NELL1: variants seen among roughly 807,000 people sequenced by gnomAD.
The protein encoded by NELL1 is neural EGFL like 1, also known as protein kinase C-binding protein NELL1.
In NELL1, 76 loss-of-function variants were observed where a neutral mutation model predicts 107.4. That is an observed-to-expected ratio of 0.71 (90% CI 0.59 to 0.86). The LOEUF (loss-of-function observed/expected upper bound fraction) is 0.86, where lower values mean the gene tolerates loss of function less well. NELL1 is among the 40% of genes least tolerant of loss of function. The pLI, the probability that NELL1 is intolerant of heterozygous loss-of-function variation, is 0.00. For synonymous variants in NELL1, 353 were observed against 341.2 expected (o/e 1.03, Z -0.38); for missense variants, 1,024 against 1,005.5 (o/e 1.02, Z -0.25).
At chr11:21,478,576 T>G (rs915595943) in intron 15 of NELL1, among the ~76,000 whole-genome samples, 1 of 151,862 alleles carries the variant, frequency 6.6e-6, no homozygotes, top group Non-Finnish European at 1.5e-5. Flanking sequence ...ATGAAACTCC[T>G]AAAAGAAAAC....
intron 14 of NELL1, among the ~76,000 whole-genome samples, chr11:21,252,567 A>G (rs147083387): frequency 1.3e-5 from 2 of 152,274 alleles, no homozygotes; most frequent in African/African-American, 4.8e-5. Flanking sequence ...CCTCAAAATG[A>G]GCTCAGATAT....
intron 12 of NELL1, among the ~76,000 whole-genome samples, chr11:21,063,519 A>G (rs1853795475): frequency 6.6e-6 from 1 of 152,162 alleles, no homozygotes. Context: ...GGGGTCCACC[A>G]TGAGTTATTT....
intron 2 of NELL1, among the ~76,000 whole-genome samples, chr11:20,700,372 G>A (rs1178624614): frequency 6.6e-6 from 1 of 151,924 alleles, no homozygotes; most frequent in Non-Finnish European, 1.5e-5. Context: ...CTAGCTACTC[G>A]GGAGGCTGAG....
At chr11:21,002,040 T>C (rs1390961084) in intron 12 of NELL1, among the ~76,000 whole-genome samples, 1 of 152,214 alleles carries the variant, frequency 6.6e-6, no homozygotes, top group Non-Finnish European at 1.5e-5. Flanking sequence ...GCCACTGTAG[T>C]GGATTCCAGG....
chr11:21,116,036 A>G (rs897985963), intron 13 of NELL1, among the ~76,000 whole-genome samples: 5 of 151,864 alleles, frequency 3.3e-5, no homozygotes, highest in African/African-American at 1.2e-4. Flanking sequence ...TCCTCACCTT[A>G]CATTTATTCA....
intron 13 of NELL1, among the ~76,000 whole-genome samples, chr11:21,225,102 C>T (rs1005837703): frequency 3.3e-5 from 5 of 152,102 alleles, no homozygotes; most frequent in Admixed American, 2.6e-4. Flanking sequence ...TCTCATGTCA[C>T]GATGCTGCAA....
chr11:20,836,753 A>T (rs1848541252), intron 3 of NELL1, among the ~76,000 whole-genome samples: 1 of 152,124 alleles, frequency 6.6e-6, no homozygotes, highest in African/African-American at 2.4e-5. Flanking sequence ...CAAAAAAAAG[A>T]TTAAAAAAAG....
chr11:21,143,234 G>A (rs1855906368), intron 13 of NELL1, among the ~76,000 whole-genome samples: 2 of 152,208 alleles, frequency 1.3e-5, no homozygotes, highest in South Asian at 4.1e-4. Context: ...TGGCTAAACT[G>A]TGTGCAGCAG....
chr11:20,716,641 T>A (rs920800947), intron 2 of NELL1, among the ~76,000 whole-genome samples: 1 of 152,190 alleles, frequency 6.6e-6, no homozygotes, highest in Admixed American at 6.5e-5. Context: ...AGGGCTTATG[T>A]CTAGTGGCAA....
chr11:20,833,869 T>C (rs969206212), intron 3 of NELL1, among the ~76,000 whole-genome samples: 1 of 152,114 alleles, frequency 6.6e-6, no homozygotes, highest in East Asian at 1.9e-4. Flanking sequence ...CGTTGGTGTG[T>C]AGAGGGCAAG....
intron 15 of NELL1, among the ~76,000 whole-genome samples, chr11:21,503,718 C>T (rs1452898292): frequency 6.6e-6 from 1 of 152,092 alleles, no homozygotes; most frequent in Non-Finnish European, 1.5e-5. Context: ...CATTTAGAGG[C>T]TATTCTCAGT....
At chr11:21,407,665 A>G (rs1005785120) in intron 15 of NELL1, among the ~76,000 whole-genome samples, 2 of 150,344 alleles carry the variant, frequency 1.3e-5, no homozygotes, top group East Asian at 4.0e-4. Context: ...CCAGCCGTCA[A>G]TACCTTATCT....
At chr11:21,061,304 A>G (rs1479325684) in intron 12 of NELL1, among the ~76,000 whole-genome samples, 3 of 152,214 alleles carry the variant, frequency 2.0e-5, no homozygotes, top group East Asian at 3.9e-4. Context: ...TAAATCAACC[A>G]GAATAATGAA....
At chr11:21,563,871 A>T (rs1234606086) in intron 17 of NELL1, among the ~76,000 whole-genome samples, 4 of 152,038 alleles carry the variant, frequency 2.6e-5, no homozygotes, top group African/African-American at 9.7e-5. Flanking sequence ...AATCAAGTAG[A>T]GATGTAGGGG....
rs192942725 is a variant in NELL1 at position 21,132,370 on chromosome 11, G to C, written c.1426+18656G>C. 1.7e-3 allele frequency among the ~76,000 whole-genome samples: 262 copies of C among 152,274 alleles called. 3 individuals are homozygous for C. The highest frequency in any genetic ancestry group is 2.1e-3 in the South Asian group (10 of 4,816). On this transcript the variant is annotated intron_variant, in intron 13 of 19. Transcript: ENST00000357134. Reference sequence around the variant, plus strand: ...AGTATTGCTCAGGCCCATTGGGCTCGTTCCATCCTCTTGGCCCAGCAGGCT... The same window carrying C: ...AGTATTGCTCAGGCCCATTGGGCTCCTTCCATCCTCTTGGCCCAGCAGGCT...
chr11:21,359,895 T>G (rs1358112827), intron 14 of NELL1, among the ~76,000 whole-genome samples: 2 of 152,180 alleles, frequency 1.3e-5, no homozygotes, highest in Non-Finnish European at 2.9e-5. Flanking sequence ...TTGGTTAATA[T>G]CACTAATGTT....
chr11:20,735,479 C>A (rs1016567643), intron 2 of NELL1, among the ~76,000 whole-genome samples: 1 of 152,178 alleles, frequency 6.6e-6, no homozygotes, highest in Non-Finnish European at 1.5e-5. Context: ...CTTGTGAGAA[C>A]TTACTCACTA....
intron 2 of NELL1, among the ~76,000 whole-genome samples, chr11:20,767,719 TATTCATTCATTC>T (rs112687398): frequency 2.0e-5 from 3 of 150,710 alleles, no homozygotes; most frequent in South Asian, 2.1e-4. Flanking sequence ...CAATATATCA[TATTCATTCATTC>T]ATTCATTCAT....
chr11:21,142,129 T>C (rs924251493), intron 13 of NELL1, among the ~76,000 whole-genome samples: 3 of 152,226 alleles, frequency 2.0e-5, no homozygotes, highest in East Asian at 3.9e-4. Context: ...AAAAGTCATA[T>C]GCTCTGAAAC....
Sources: gnomAD v4.1 joint callset for allele counts (sites outside exome capture counted in the v4.1 genomes callset) on GRCh38, gnomAD v4.1.1 for gene constraint, MANE v1.5 for transcripts, NCBI Gene and HGNC (gene_info 2026-07-23, HGNC 2026-07-21) for gene names.